Variants in TEX10 observed in about 807,000 individuals in gnomAD.
TEX10 encodes the protein testis-expressed protein 10.
Under a neutral mutation model 104.4 loss-of-function variants are expected in TEX10, and 24 were observed. That is an observed-to-expected ratio of 0.23 (90% CI 0.17 to 0.32). The LOEUF (loss-of-function observed/expected upper bound fraction) is 0.32. Among genes scored for constraint, TEX10 ranks in the 10% least tolerant of loss-of-function variants. The pLI is 1.00. For synonymous variants in TEX10, 396 were observed against 393.4 expected (o/e 1.01, Z -0.08); for missense variants, 921 against 1,083.9 (o/e 0.85, Z 2.11).
At chr9:100,337,931 T>C (rs191482534) in intron 5 of TEX10, among the ~76,000 whole-genome samples, 34 of 152,370 alleles carry the variant, frequency 2.2e-4, no homozygotes, top group Admixed American at 9.1e-4. Flanking sequence ...CTTAGTTGTA[T>C]AGTTCTAATG....
At chr9:100,327,201 C>G in intron 8 of TEX10, among the ~76,000 whole-genome samples, 1 of 151,944 alleles carries the variant, frequency 6.6e-6, no homozygotes, top group South Asian at 2.1e-4. Context: ...AACTTCCAAT[C>G]AGTACAAGTT....
At chr9:100,336,277 G>A (rs1365957268) in intron 5 of TEX10, among the ~76,000 whole-genome samples, 1 of 152,196 alleles carries the variant, frequency 6.6e-6, no homozygotes, top group African/African-American at 2.4e-5. Context: ...CCTGGCCATA[G>A]ACTGGCACCA....
intron 5 of TEX10, among the ~76,000 whole-genome samples, chr9:100,337,309 G>A (rs1295452229): frequency 1.3e-5 from 2 of 152,160 alleles, no homozygotes; most frequent in Non-Finnish European, 2.9e-5. Flanking sequence ...ATGATATGCT[G>A]ATACATTTTT....
rs563634108 is a variant in TEX10 at position 100,308,687 on chromosome 9, C to G, written c.2284-6G>C. ...GGAATTACAGTCAACCCAACCTAAG[C>G]AGAGAAAAACGAGATTAATCACCTC... On this transcript the variant is annotated splice_region_variant and splice_polypyrimidine_tract_variant and intron_variant, in intron 12 of 14. Coordinates refer to ENST00000374902, the MANE Select transcript of TEX10 (RefSeq NM_017746.4). 1.5e-5 allele frequency: 23 copies of G among 1,578,852 alleles called. No individual in the cohort carries two copies. In the South Asian group the frequency reaches 1.8e-4, roughly 12 times the overall value.
intron 4 of TEX10, among the ~76,000 whole-genome samples, chr9:100,344,801 G>A (rs528813579): frequency 6.6e-6 from 1 of 152,268 alleles, no homozygotes; most frequent in South Asian, 2.1e-4. Flanking sequence ...AGCCAAGATC[G>A]TGCCACTGTA....
Position 100,346,955 on chromosome 9 carries a change from G to C in TEX10, c.632C>G (p.Ser211Cys). The C allele has an allele frequency of 3.7e-6, 6 of 1,614,196 alleles. No individual in the cohort carries two copies. The highest frequency in any genetic ancestry group is 5.1e-6 in the Non-Finnish European group (6 of 1,180,030). Residue 211 changes from serine (S) to cysteine (C), a missense_variant, in exon 3 of 15, where the codon TCT (serine) becomes TGT (cysteine). Coordinates refer to ENST00000374902, the MANE Select transcript of TEX10 (RefSeq NM_017746.4). ...AGTGAGTCTCCGATTAGGATTTACA[G>C]AAAGTATCCAGGACTGGGATCTGTC... ...NRDRSQSWIL[S>C]VNPNRRLTSQ...
chr9:100,342,537 G>C (rs768968501), intron 4 of TEX10, among the ~76,000 whole-genome samples: 1 of 152,068 alleles, frequency 6.6e-6, no homozygotes, highest in East Asian at 1.9e-4. Context: ...ATGTGGCTAG[G>C]GTTACTGAGG....
At chr9:100,305,317 A>G (rs1834118789) in intron 13 of TEX10, 1 of 152,238 alleles carries the variant, frequency 6.6e-6, no homozygotes, top group Non-Finnish European at 1.5e-5. Context: ...CACATATGGT[A>G]ATTCCATCTA....
chr9:100,304,480 G>A (rs940522618), intron 13 of TEX10: 21 of 152,686 alleles, frequency 1.4e-4, no homozygotes, highest in African/African-American at 4.8e-4. Flanking sequence ...ACAGGGCAAG[G>A]ATTCCCTATT....
intron 9 of TEX10, among the ~76,000 whole-genome samples, chr9:100,326,025 G>A (rs548719603): frequency 9.2e-5 from 14 of 152,166 alleles, no homozygotes; most frequent in Non-Finnish European, 1.5e-4. Flanking sequence ...TTTGAAGTAC[G>A]ACACCATCAC....
At chr9:100,344,190 T>C (rs1835243946) in intron 4 of TEX10, among the ~76,000 whole-genome samples, 1 of 152,194 alleles carries the variant, frequency 6.6e-6, no homozygotes, top group Non-Finnish European at 1.5e-5. Context: ...TATTTCAGCT[T>C]TATACAGTAT....
At chr9:100,332,820 CA>C (rs554324128) in intron 5 of TEX10, among the ~76,000 whole-genome samples, 96 of 140,094 alleles carry the variant, frequency 6.9e-4, no homozygotes, top group African/African-American at 7.3e-4. Flanking sequence ...AACTCCATCT[CA>C]AAAAAAAAAA....
intron 10 of TEX10, 115 bp from the exon 11 acceptor site, chr9:100,320,513 G>A (rs980858882): frequency 4.2e-6 from 5 of 1,182,170 alleles, no homozygotes; most frequent in Admixed American, 6.1e-5. Context: ...AAGCTACCTT[G>A]TTTTCTCTGA....
Position 100,302,140 on chromosome 9 carries a change from A to T in TEX10, c.*51T>A, listed in dbSNP as rs1420454862. Reference sequence around the variant, plus strand: ...TCTATTACATCAGTCTTTTTCTTCAAATAAGATAGATGTGAATAAACAACT... The same window carrying T: ...TCTATTACATCAGTCTTTTTCTTCATATAAGATAGATGTGAATAAACAACT... On this transcript the variant is annotated 3_prime_UTR_variant, in exon 15 of 15. Transcript: ENST00000374902. The T allele has an allele frequency of 8.9e-7, 1 of 1,125,776 alleles. No homozygotes were observed. Among genetic ancestry groups the T allele is most frequent in the African/African-American group, 1.6e-5 (1 of 63,972 alleles). 69.7% of individuals were successfully genotyped at this position (1,125,776 alleles called of 1,614,324 possible). A position where few individuals can be genotyped will look rare whatever the true frequency, so the allele number is the denominator to read the frequency against.
chr9:100,352,791 C>A lies in TEX10; in HGVS notation c.-29G>T, dbSNP rs544619188. On this transcript the variant is annotated 5_prime_UTR_variant, in exon 1 of 15. Transcript: ENST00000374902. ...GCTTACCTGAGGACCCGGCCGCGGC[C>A]GGGGCGAGAAGCCCGAGAAGACAAG... 232 of 1,070,734 alleles carry A rather than the reference C, an allele frequency of 2.2e-4. No individual in the cohort carries two copies. The highest frequency in any genetic ancestry group is 2.5e-4 in the Non-Finnish European group (225 of 886,904). 66.3% of individuals were successfully genotyped at this position (1,070,734 alleles called of 1,614,324 possible). A position where few individuals can be genotyped will look rare whatever the true frequency, so the allele number is the denominator to read the frequency against.
intron 11 of TEX10, among the ~76,000 whole-genome samples, chr9:100,311,902 T>A (rs894987848): frequency 2.0e-5 from 3 of 152,164 alleles, no homozygotes; most frequent in Admixed American, 6.5e-5. Context: ...ATCAGTCAGT[T>A]AAGTTCAAGA....
At chr9:100,310,484 G>T in intron 11 of TEX10, 105 bp from the exon 12 acceptor site, 2 of 1,065,800 alleles carry the variant, frequency 1.9e-6, no homozygotes, top group Non-Finnish European at 1.4e-6. Flanking sequence ...TGTCGCCCAG[G>T]CTGGAGTGCA....
At chr9:100,325,624 G>A (rs889079682) in intron 9 of TEX10, among the ~76,000 whole-genome samples, 2 of 152,018 alleles carry the variant, frequency 1.3e-5, no homozygotes, top group South Asian at 2.1e-4. Context: ...TCCACCTCCC[G>A]GGTTCAAGCA....
At chr9:100,324,779 A>G (rs1196518247) in intron 9 of TEX10, among the ~76,000 whole-genome samples, 2 of 152,220 alleles carry the variant, frequency 1.3e-5, no homozygotes, top group South Asian at 4.1e-4. Flanking sequence ...AATGTAAGTT[A>G]TATCTAAGGA....
Sources: allele counts gnomAD v4.1 joint callset (sites outside exome capture counted in the v4.1 genomes callset), GRCh38; gene constraint gnomAD v4.1.1; transcripts MANE v1.5; gene names NCBI Gene and HGNC (gene_info 2026-07-23, HGNC 2026-07-21).